LPP: variants seen among roughly 807,000 people sequenced by gnomAD.
The protein encoded by LPP is lipoma-preferred partner.
A neutral mutation model predicts 60.4 loss-of-function variants in LPP; 38 were observed. The ratio of observed to expected loss-of-function variants is 0.63; its 90% CI spans 0.49 to 0.83. The LOEUF (loss-of-function observed/expected upper bound fraction) is 0.83. Ranked by LOEUF, LPP falls within the 40% of genes least tolerant of loss-of-function variation. The pLI, the probability that LPP is intolerant of heterozygous loss-of-function variation, is 0.00. For synonymous variants in LPP, 328 were observed against 290.8 expected (o/e 1.13, Z -1.30); for missense variants, 902 against 783.6 (o/e 1.15, Z -1.80).
At chr3:188,602,728 T>TAA (rs113585439) in intron 6 of LPP, among the ~76,000 whole-genome samples, 3,047 of 141,954 alleles carry the variant, frequency 0.021, 92 homozygotes, top group South Asian at 0.1. Context: ...GATTATTTAT[T>TAA]AAAAAAAAAA....
chr3:188,645,819 A>C (rs896234879), intron 7 of LPP, among the ~76,000 whole-genome samples: 3 of 151,900 alleles, frequency 2.0e-5, no homozygotes, highest in African/African-American at 4.8e-5. Flanking sequence ...CAAAAAAAAA[A>C]ACAGAAAATA....
At position 188,593,531 on chromosome 3, in the gene LPP, G is replaced by A. The variant is rs371158765; in HGVS notation, c.430-15630G>A. 1.8e-4 allele frequency among the ~76,000 whole-genome samples: 28 copies of A among 151,982 alleles called. No homozygotes were observed. The South Asian group carries it at 5.8e-3, about 32-fold the overall frequency. The stretch of plus-strand genomic sequence containing the variant: ...TTTAACGGACATTTGTGAGATCCTG[G>A]TGCACCCATCACCTGAGCAGTATAC... On this transcript the variant is annotated intron_variant, in intron 6 of 11. Transcript: ENST00000617246.
chr3:188,642,785 A>T (rs1850411664), intron 7 of LPP, among the ~76,000 whole-genome samples: 1 of 152,050 alleles, frequency 6.6e-6, no homozygotes, highest in Admixed American at 6.5e-5. Flanking sequence ...AAAAATACAA[A>T]ATTAGCTGGG....
chr3:188,717,130 T>C (rs1192069882), intron 8 of LPP, among the ~76,000 whole-genome samples: 1 of 152,206 alleles, frequency 6.6e-6, no homozygotes, highest in Non-Finnish European at 1.5e-5. Context: ...TCACAAGTCA[T>C]AAAGCAGGTA....
intron 2 of LPP, among the ~76,000 whole-genome samples, chr3:188,284,211 G>A (rs1013008809): frequency 2.6e-5 from 4 of 151,874 alleles, no homozygotes; most frequent in African/African-American, 4.8e-5. Flanking sequence ...GCCTCCCAAA[G>A]TTGTTGAGAT....
At chr3:188,250,967 CCCTTCCCTT>C (rs1201507938) in intron 2 of LPP, among the ~76,000 whole-genome samples, 3 of 33,180 alleles carry the variant, frequency 9.0e-5, no homozygotes, top group African/African-American at 1.2e-4. Flanking sequence ...CCCTTCCCTT[CCCTTCCCTT>C]CCCTCCCCTC....
Position 188,392,454 on chromosome 3 carries a change from C to T in LPP, c.-9-13658C>T, listed in dbSNP as rs546961777. 2.4e-4 allele frequency among the ~76,000 whole-genome samples: 37 copies of T among 152,172 alleles called. No individual in the cohort carries two copies. The East Asian group carries it at 6.8e-3, about 28-fold the overall frequency. On this transcript the variant is annotated intron_variant, in intron 3 of 11. Coordinates refer to ENST00000617246, the MANE Select transcript of LPP (RefSeq NM_001375462.1). ...GCTCCCTCGCTGCACTGTTTTGACC[C>T]CACTTTCCTCCTCACCAGCCAAATA... is the stretch of plus-strand genomic sequence containing the variant.
chr3:188,458,662 G>A (rs752979285), intron 4 of LPP, among the ~76,000 whole-genome samples: 50 of 152,202 alleles, frequency 3.3e-4, no homozygotes, highest in African/African-American at 8.4e-4. Flanking sequence ...CAGATATTAC[G>A]TCAGTTAGTC....
intron 2 of LPP, among the ~76,000 whole-genome samples, chr3:188,283,308 T>C (rs779109872): frequency 1.3e-5 from 2 of 152,228 alleles, no homozygotes; most frequent in Non-Finnish European, 2.9e-5. Flanking sequence ...CTTTGATTAT[T>C]AATCTTCTTG....
intron 3 of LPP, among the ~76,000 whole-genome samples, chr3:188,354,435 G>A (rs564443155): frequency 8.7e-4 from 133 of 152,184 alleles, no homozygotes; most frequent in African/African-American, 3.1e-3. Context: ...CTTTGTGTGC[G>A]TGTCTCTGTG....
At chr3:188,729,404 A>G (rs1719604739) in intron 8 of LPP, among the ~76,000 whole-genome samples, 1 of 152,226 alleles carries the variant, frequency 6.6e-6, no homozygotes, top group Non-Finnish European at 1.5e-5. Flanking sequence ...GGGTAACATC[A>G]GATTAGTGAT....
chr3:188,564,679 G>T (rs1037377533), intron 6 of LPP, among the ~76,000 whole-genome samples: 2 of 151,890 alleles, frequency 1.3e-5, no homozygotes, highest in Non-Finnish European at 2.9e-5. Context: ...CAGGGAGAAG[G>T]AAGGAAGTCC....
At chr3:188,555,946 G>A (rs1316428055) in intron 6 of LPP, among the ~76,000 whole-genome samples, 3 of 152,070 alleles carry the variant, frequency 2.0e-5, no homozygotes, top group African/African-American at 7.2e-5. Flanking sequence ...GAAAATAGAG[G>A]AACTATTAAA....
At chr3:188,773,275 G>A (rs1736681468) in intron 9 of LPP, among the ~76,000 whole-genome samples, 1 of 152,012 alleles carries the variant, frequency 6.6e-6, no homozygotes, top group Non-Finnish European at 1.5e-5. Flanking sequence ...TGCCAGCCAA[G>A]GCTGACATCA....
intron 5 of LPP, among the ~76,000 whole-genome samples, chr3:188,506,937 A>G (rs1813657759): frequency 1.3e-5 from 2 of 151,948 alleles, no homozygotes; most frequent in South Asian, 2.1e-4. Context: ...AGCTGGGACT[A>G]CAGGCGCCCA....
chr3:188,502,056 T>C (rs980426058), intron 5 of LPP, among the ~76,000 whole-genome samples: 4 of 152,230 alleles, frequency 2.6e-5, no homozygotes, highest in Admixed American at 2.0e-4. Flanking sequence ...TTCAAATCTA[T>C]TGACCCTTAT....
intron 4 of LPP, among the ~76,000 whole-genome samples, chr3:188,461,229 G>T (rs1006255363): frequency 3.3e-5 from 5 of 152,172 alleles, no homozygotes; most frequent in Admixed American, 2.6e-4. Context: ...ATATCAAGAT[G>T]TACAAGGGTC....
At chr3:188,420,435 GA>G (rs1471258178) in intron 4 of LPP, among the ~76,000 whole-genome samples, 1 of 152,100 alleles carries the variant, frequency 6.6e-6, no homozygotes, top group Non-Finnish European at 1.5e-5. Flanking sequence ...ATTAATTAAA[GA>G]AATTAATTTT....
intron 7 of LPP, among the ~76,000 whole-genome samples, chr3:188,690,825 T>G (rs906636428): frequency 2.6e-5 from 4 of 152,160 alleles, no homozygotes; most frequent in African/African-American, 9.7e-5. Flanking sequence ...TCCTTAATTT[T>G]CATGGGCCTC....
Sources: allele counts gnomAD v4.1 joint callset (sites outside exome capture counted in the v4.1 genomes callset), GRCh38; gene constraint gnomAD v4.1.1; transcripts MANE v1.5; gene names NCBI Gene and HGNC (gene_info 2026-07-23, HGNC 2026-07-21).